Variants in PRCC observed in about 807,000 individuals in gnomAD.
PRCC encodes proline rich mitotic checkpoint control factor, also known as proline-rich protein PRCC.
A neutral mutation model predicts 44.0 loss-of-function variants in PRCC; 10 were observed. The observed-to-expected ratio is 0.23, with a 90% CI of 0.14 to 0.39. The LOEUF is 0.39. Among genes scored for constraint, PRCC ranks in the 10% least tolerant of loss-of-function variants. The probability of loss-of-function intolerance (pLI) is 1.00; values close to 1 mark genes in which losing one functional copy is unlikely to be tolerated. For missense variants in PRCC, 573 were observed against 624.7 expected, an observed-to-expected ratio of 0.92 and a Z score of 0.88; for synonymous variants, 278 against 259.5, an observed-to-expected ratio of 1.07 and a Z score of -0.69.
chr1:156,791,045 C>A, intron 3 of PRCC: 1 of 1,350,178 alleles, frequency 7.4e-7, no homozygotes, highest in Non-Finnish European at 1.0e-6. Context: ...TTGCCCTTGC[C>A]TTCACCCTCC....
At chr1:156,783,516 C>T (rs1368576637) in intron 2 of PRCC, among the ~76,000 whole-genome samples, 1 of 152,096 alleles carries the variant, frequency 6.6e-6, no homozygotes, top group South Asian at 2.1e-4. Context: ...GAGGCCCAGG[C>T]GGGCAGATCA....
Position 156,792,130 on chromosome 1 carries a change from G to C in PRCC, c.1179+338G>C, listed in dbSNP as rs1267213853. On this transcript the variant is annotated intron_variant, in intron 4 of 6. Coordinates refer to ENST00000271526, the MANE Select transcript of PRCC (RefSeq NM_005973.5). Reference sequence around the variant, plus strand: ...TGTCCAGGCTGCACTTGAACTCCTGGGCTCAAGCATTCCTTCTGCCTTGGT... The same window carrying C: ...TGTCCAGGCTGCACTTGAACTCCTGCGCTCAAGCATTCCTTCTGCCTTGGT... 2.1e-5 allele frequency among the ~76,000 whole-genome samples: 3 copies of C among 139,852 alleles called. No homozygotes were observed. In the Admixed American group the frequency reaches 2.5e-4, roughly 11 times the overall value. 91.7% of individuals were successfully genotyped at this position (139,852 alleles called of 152,430 possible).
chr1:156,783,205 A>G (rs1161641308), intron 2 of PRCC, among the ~76,000 whole-genome samples: 1 of 152,054 alleles, frequency 6.6e-6, no homozygotes, highest in Non-Finnish European at 1.5e-5. Flanking sequence ...GCGCCTGGCC[A>G]GTCTGACTGT....
chr1:156,768,178 C>T lies in PRCC; in HGVS notation c.407C>T (p.Pro136Leu). The T allele has an allele frequency of 6.4e-7, 1 of 1,551,412 alleles. No homozygotes were observed. The highest frequency in any genetic ancestry group is 8.7e-7 in the Non-Finnish European group (1 of 1,148,322). ...GGTGCCGGTCCCCCGCTGGGGCTTC[C>T]CAAGCCAAAGAAGAGGAAAGAGCCC... Reference protein sequence around the residue: ...IGGAGPPLGLPKPKKRKEPVK... With the variant: ...IGGAGPPLGLLKPKKRKEPVK... Residue 136 changes from proline to leucine, a missense_variant, in exon 1 of 7, where the codon CCC becomes CTC. Pro to Leu is a moderately conservative substitution (Grantham distance 98, BLOSUM62 -3). Around this residue, in one of 4 missense-constraint regions of PRCC, gnomAD observed 245 missense variants for 188.5 expected, o/e 1.30. Transcript: ENST00000271526.
At chr1:156,779,595 C>T (rs1180147670) in intron 1 of PRCC, among the ~76,000 whole-genome samples, 1 of 152,154 alleles carries the variant, frequency 6.6e-6, no homozygotes, top group African/African-American at 2.4e-5. Context: ...TCTCGAACTC[C>T]TGACCTCAAG....
intron 5 of PRCC, among the ~76,000 whole-genome samples, chr1:156,795,295 T>TTTTTG (rs1652627549): frequency 1.6e-5 from 2 of 127,768 alleles, no homozygotes; most frequent in Admixed American, 1.6e-4. Flanking sequence ...GTTTTTTTTT[T>TTTTTG]TTTTTTTTTT....
At chr1:156,798,700 C>G (rs558682756) in intron 6 of PRCC, among the ~76,000 whole-genome samples, 44 of 151,974 alleles carry the variant, frequency 2.9e-4, no homozygotes, top group African/African-American at 1.0e-3. Context: ...ACTAAAAATA[C>G]AAAAAATTAG....
chr1:156,792,380 C>T (rs1053013083), intron 4 of PRCC, among the ~76,000 whole-genome samples: 1 of 152,008 alleles, frequency 6.6e-6, no homozygotes, highest in Non-Finnish European at 1.5e-5. Context: ...CCTAAGAGCA[C>T]GTCCACTTTG....
intron 6 of PRCC, among the ~76,000 whole-genome samples, chr1:156,799,500 C>T: frequency 6.6e-6 from 1 of 152,176 alleles, no homozygotes. Context: ...CCTTTCCTGG[C>T]CCCTTTCCTG....
Position 156,767,659 on chromosome 1 carries a change from G to T in PRCC, c.-113G>T, listed in dbSNP as rs1651444214. On this transcript the variant is annotated 5_prime_UTR_variant, in exon 1 of 7. Coordinates refer to ENST00000271526, the MANE Select transcript of PRCC (RefSeq NM_005973.5). ...CTAGCCCTAGAGTACGGAGCAGGCGGACTTTTCGGTTCCCCGCCCCGCCAG... is the reference window on the plus strand; with the variant it reads ...CTAGCCCTAGAGTACGGAGCAGGCGTACTTTTCGGTTCCCCGCCCCGCCAG... The T allele has an allele frequency of 1.0e-5, 11 of 1,090,078 alleles. No individual in the cohort carries two copies. The highest frequency in any genetic ancestry group is 1.3e-5 in the Non-Finnish European group (10 of 772,506). The allele number at this position is 1,090,078 out of a possible 1,614,324, so 67.5% of individuals were successfully genotyped here. A position where few individuals can be genotyped will look rare whatever the true frequency, so the allele number is the denominator to read the frequency against.
Position 156,800,533 on chromosome 1 carries a change from C to A in PRCC, c.*73C>A. ...CTGGCCCCCAGCTTCACCTCTGGGA[C>A]CCCAGCTGCTCTAAGCCCAGGATCT... On this transcript the variant is annotated 3_prime_UTR_variant, in exon 7 of 7. Transcript: ENST00000271526. 1 of 1,468,070 alleles carries A rather than the reference C, an allele frequency of 6.8e-7. No individual in the cohort carries two copies. The highest frequency in any genetic ancestry group is 9.5e-7 in the Non-Finnish European group (1 of 1,048,524). The allele number at this position is 1,468,070 out of a possible 1,614,324, so 90.9% of individuals were successfully genotyped here.
At chr1:156,781,120 A>T (rs191015874) in intron 1 of PRCC, among the ~76,000 whole-genome samples, 2 of 152,242 alleles carry the variant, frequency 1.3e-5, no homozygotes, top group African/African-American at 4.8e-5. Flanking sequence ...ATATCATGGC[A>T]CACACACGGA....
intron 1 of PRCC, among the ~76,000 whole-genome samples, chr1:156,770,718 C>G (rs1651602742): frequency 6.6e-6 from 1 of 152,230 alleles, no homozygotes; most frequent in Admixed American, 6.5e-5. Flanking sequence ...GATGTAAGCC[C>G]CTCCAGTTCT....
chr1:156,788,166 C>A (rs1391422204), intron 3 of PRCC, among the ~76,000 whole-genome samples: 4 of 152,172 alleles, frequency 2.6e-5, no homozygotes, highest in Non-Finnish European at 5.9e-5. Flanking sequence ...TTACCTTCCA[C>A]ACTAAAGTAG....
At position 156,776,585 on chromosome 1, in the gene PRCC, A is replaced by G. The variant is rs185564675; in HGVS notation, c.469-5697A>G. Reference sequence around the variant, plus strand: ...CTTTCCACAGTGGATCTGGCCTTCAATTCTATTAGCTGTGGAGCAGTTTGC... The same window carrying G: ...CTTTCCACAGTGGATCTGGCCTTCAGTTCTATTAGCTGTGGAGCAGTTTGC... On this transcript the variant is annotated intron_variant, in intron 1 of 6. Coordinates refer to ENST00000271526, the MANE Select transcript of PRCC (RefSeq NM_005973.5). 7.9e-5 allele frequency among the ~76,000 whole-genome samples: 12 copies of G among 152,298 alleles called. No homozygotes were observed. The East Asian group carries it at 1.9e-3, about 24-fold the overall frequency.
At chr1:156,773,844 C>T (rs1166930129) in intron 1 of PRCC, among the ~76,000 whole-genome samples, 5 of 152,192 alleles carry the variant, frequency 3.3e-5, no homozygotes. Flanking sequence ...AAGGTGGCAA[C>T]AACCCAAGTG....
At chr1:156,772,757 G>T in intron 1 of PRCC, among the ~76,000 whole-genome samples, 1 of 152,226 alleles carries the variant, frequency 6.6e-6, no homozygotes. Flanking sequence ...GCCTGCAGTG[G>T]ATTTAGCTAA....
At chr1:156,783,254 A>C (rs1415899051) in intron 2 of PRCC, among the ~76,000 whole-genome samples, 5 of 152,218 alleles carry the variant, frequency 3.3e-5, no homozygotes, top group Non-Finnish European at 5.9e-5. Flanking sequence ...AGCTCCTTGT[A>C]ATTGAAACCA....
rs574863701 is a variant in PRCC at position 156,785,500 on chromosome 1, G to A, written c.517-1108G>A. On this transcript the variant is annotated intron_variant, in intron 2 of 6. Transcript: ENST00000271526. ...TGCACTCCATCCTGGGTGATAGAGCGAGACTCCGACCAAAAAAAAAAAATA... is the reference window on the plus strand; with the variant it reads ...TGCACTCCATCCTGGGTGATAGAGCAAGACTCCGACCAAAAAAAAAAAATA... 2.0e-5 allele frequency among the ~76,000 whole-genome samples: 3 copies of A among 150,848 alleles called. No homozygotes were observed. In the South Asian group the frequency reaches 6.3e-4, roughly 32 times the overall value.
Sources: gnomAD v4.1 joint callset for allele counts (sites outside exome capture counted in the v4.1 genomes callset) on GRCh38, gnomAD v4.1.1 for gene constraint, gnomAD v4.1.1 regional missense constraint, MANE v1.5 for transcripts, NCBI Gene and HGNC (gene_info 2026-07-23, HGNC 2026-07-21) for gene names.